Variants in FBXO38 observed in about 807,000 individuals in gnomAD.
The protein encoded by FBXO38 is F-box only protein 38.
Under a neutral mutation model 131.9 loss-of-function variants are expected in FBXO38, and 53 were observed. The ratio of observed to expected loss-of-function variants is 0.40; its 90% CI spans 0.32 to 0.51. The LOEUF is 0.51. FBXO38 is among the 20% of genes least tolerant of loss of function. The probability of loss-of-function intolerance (pLI) is 0.53; values close to 1 mark genes in which losing one functional copy is unlikely to be tolerated. For synonymous variants in FBXO38, 452 were observed against 505.6 expected (o/e 0.89, Z 1.42); for missense variants, 1,076 against 1,475.6 (o/e 0.73, Z 4.44).
rs186173981 is a variant in FBXO38, at chr5:148,421,206, C to A, written c.1619-2792C>A. Among the ~76,000 whole-genome samples, 5 of 152,194 alleles carry A rather than the reference C, an allele frequency of 3.3e-5. No homozygotes were observed. The East Asian group carries it at 9.7e-4, about 29-fold the overall frequency. Reference sequence around the variant, plus strand: ...TGGTCTCCATCTCAACCTCACGATCCGCCCACCCTGGCCTCCCAAAGTACT... The same window carrying A: ...TGGTCTCCATCTCAACCTCACGATCAGCCCACCCTGGCCTCCCAAAGTACT... On this transcript the variant is annotated intron_variant, in intron 12 of 21. Transcript: ENST00000340253.
At position 148,425,478 on chromosome 5, in the gene FBXO38, T is replaced by C. The variant is rs781607602; in HGVS notation, c.1739-44T>C. ...GAAACAGTACTTTGCATTAGATCCT[T>C]TCTTGCGCAAAAAGTAACTGTTAGG... On this transcript the variant is annotated intron_variant, in intron 13 of 21. Coordinates refer to ENST00000340253, the MANE Select transcript of FBXO38 (RefSeq NM_205836.3). The C allele has an allele frequency of 2.4e-5, 37 of 1,511,186 alleles. No homozygotes were observed. The South Asian group carries it at 3.6e-4, about 15-fold the overall frequency. The allele number at this position is 1,511,186 out of a possible 1,614,324, so 93.6% of individuals were successfully genotyped here.
intron 13 of FBXO38, among the ~76,000 whole-genome samples, chr5:148,424,805 T>TA (rs1753625745): frequency 1.3e-5 from 2 of 152,152 alleles, no homozygotes; most frequent in African/African-American, 4.8e-5. Flanking sequence ...CAACAAATAT[T>TA]TATTGAGTGC....
intron 1 of FBXO38, among the ~76,000 whole-genome samples, chr5:148,391,742 G>A (rs1156324489): frequency 6.6e-6 from 1 of 152,086 alleles, no homozygotes; most frequent in Non-Finnish European, 1.5e-5. Flanking sequence ...CATGTATATT[G>A]TACTTCTTAA....
At position 148,425,558 on chromosome 5, in the gene FBXO38, C is replaced by T. The variant is rs1458391761; in HGVS notation, c.1775C>T (p.Ser592Leu). 6.2e-7 allele frequency: 1 copy of T among 1,613,696 alleles called. No individual in the cohort carries two copies. The highest frequency in any genetic ancestry group is 1.7e-5 in the Admixed American group (1 of 59,998). ...SGLQRVVKPT[S>L]ITVHDSESDD... Reference sequence around the variant, plus strand: ...CTTCAGCGTGTAGTAAAACCAACCTCAATTACTGTTCATGATTCAGAGAGT... The same window carrying T: ...CTTCAGCGTGTAGTAAAACCAACCTTAATTACTGTTCATGATTCAGAGAGT... The change falls in exon 14 of 22, where the codon TCA becomes TTA. Residue 592 changes from serine to leucine, a missense_variant. Physicochemically the swap from Ser to Leu is moderately radical, Grantham distance 145 (BLOSUM62 -2). Around this residue, in one of 8 missense-constraint regions of FBXO38, gnomAD observed 212 missense variants for 221.2 expected, o/e 0.96. Coordinates refer to ENST00000340253, the MANE Select transcript of FBXO38 (RefSeq NM_205836.3).
intron 5 of FBXO38, among the ~76,000 whole-genome samples, chr5:148,403,077 G>A (rs1224429108): frequency 1.3e-5 from 2 of 152,020 alleles, no homozygotes; most frequent in Non-Finnish European, 2.9e-5. Flanking sequence ...AAGATTTCTA[G>A]CAACCCTTCA....
At chr5:148,392,524 C>G (rs1758248585) in intron 1 of FBXO38, among the ~76,000 whole-genome samples, 2 of 151,166 alleles carry the variant, frequency 1.3e-5, no homozygotes. Context: ...AAATAAAGTT[C>G]AGAGCTCAGG....
chr5:148,395,107 A>T (rs1391284695), intron 2 of FBXO38, among the ~76,000 whole-genome samples: 1 of 152,170 alleles, frequency 6.6e-6, no homozygotes, highest in Non-Finnish European at 1.5e-5. Context: ...GGTGTATAGG[A>T]CAACAGAGTA....
intron 17 of FBXO38, among the ~76,000 whole-genome samples, chr5:148,435,363 TCTTC>T (rs550089595): frequency 6.6e-6 from 1 of 152,372 alleles, no homozygotes; most frequent in East Asian, 1.9e-4. Context: ...TTTTGAGAAT[TCTTC>T]CTTGGTGTTC....
At chr5:148,441,096 A>C (rs749959557) in intron 20 of FBXO38, 28 bp from the exon 21 acceptor site, 1 of 1,547,554 alleles carries the variant, frequency 6.5e-7, no homozygotes, top group African/African-American at 1.4e-5. Context: ...CTCCCACGCC[A>C]GTTAGCAATG....
intron 12 of FBXO38, among the ~76,000 whole-genome samples, chr5:148,422,786 C>A (rs1753513600): frequency 6.6e-6 from 1 of 152,248 alleles, no homozygotes; most frequent in Non-Finnish European, 1.5e-5. Context: ...GAATGTACTT[C>A]TTTTCATGCC....
At chr5:148,409,092 G>T (rs1380060392) in intron 7 of FBXO38, 32 bp from the exon 8 acceptor site, 1 of 1,265,356 alleles carries the variant, frequency 7.9e-7, no homozygotes, top group Non-Finnish European at 1.2e-6. Flanking sequence ...AAATGCTATG[G>T]TCAAACACTT....
chr5:148,424,847 A>G (rs528564517), intron 13 of FBXO38, among the ~76,000 whole-genome samples: 8 of 151,790 alleles, frequency 5.3e-5, no homozygotes, highest in African/African-American at 1.9e-4. Flanking sequence ...ACAATGTGAC[A>G]GGAAAAAAGC....
rs1754654505 is a variant in FBXO38 at position 148,441,027 on chromosome 5, C to T, written c.3275-97C>T. On this transcript the variant is annotated intron_variant, in intron 20 of 21. Transcript: ENST00000340253. ...GATTTGAGGACACCTGACTCACTCTCTTTATTTTATATTTTACATTCTGCT... is the reference window on the plus strand; with the variant it reads ...GATTTGAGGACACCTGACTCACTCTTTTTATTTTATATTTTACATTCTGCT... The T allele has an allele frequency of 3.6e-6, 3 of 828,852 alleles. No homozygotes were observed. The East Asian group carries it at 7.3e-5, about 20-fold the overall frequency. 51.3% of individuals were successfully genotyped at this position (828,852 alleles called of 1,614,324 possible).
chr5:148,435,981 G>C (rs947689369), intron 17 of FBXO38, among the ~76,000 whole-genome samples: 1 of 152,128 alleles, frequency 6.6e-6, no homozygotes. Flanking sequence ...ACTTATATTG[G>C]TGCAGTTTGT....
At chr5:148,437,730 A>T (rs1754428183) in intron 17 of FBXO38, among the ~76,000 whole-genome samples, 1 of 152,160 alleles carries the variant, frequency 6.6e-6, no homozygotes. Context: ...TTCTGACTTC[A>T]TGTTTTATAT....
chr5:148,397,211 G>A (rs1758526824), intron 2 of FBXO38, among the ~76,000 whole-genome samples: 1 of 152,132 alleles, frequency 6.6e-6, no homozygotes, highest in South Asian at 2.1e-4. Flanking sequence ...TTCCTTAAAA[G>A]AAACCTAATC....
At chr5:148,396,228 G>GA (rs1384147122) in intron 2 of FBXO38, among the ~76,000 whole-genome samples, 1 of 151,862 alleles carries the variant, frequency 6.6e-6, no homozygotes, top group Non-Finnish European at 1.5e-5. Context: ...TCATCTGGCA[G>GA]AAAAAAAGTC....
Position 148,425,592 on chromosome 5 carries a change from A to G in FBXO38, c.1809A>G (p.Glu603=), listed in dbSNP as rs1424701659. 1 of 1,613,606 alleles carries G rather than the reference A, an allele frequency of 6.2e-7. No individual in the cohort carries two copies. Among genetic ancestry groups the G allele is most frequent in the East Asian group, 2.2e-5 (1 of 44,872 alleles). ...ITVHDSESDD[E]EDSLELQEVW... is the part of the protein sequence containing the mutation. Reference sequence around the variant, plus strand: ...TTCATGATTCAGAGAGTGATGATGAAGAAGATAGTCTAGAACTCCAAGAAG... The same window carrying G: ...TTCATGATTCAGAGAGTGATGATGAGGAAGATAGTCTAGAACTCCAAGAAG... The change falls in exon 14 of 22, where the codon GAA becomes GAG. Residue 603 remains glutamate (E), a synonymous_variant. Coordinates refer to ENST00000340253, the MANE Select transcript of FBXO38 (RefSeq NM_205836.3).
chr5:148,419,910 A>G (rs972511030), intron 12 of FBXO38, among the ~76,000 whole-genome samples: 3 of 152,124 alleles, frequency 2.0e-5, no homozygotes, highest in African/African-American at 4.8e-5. Flanking sequence ...TTTAATTTGT[A>G]TAAATTAACT....
Sources: allele counts gnomAD v4.1 joint callset (sites outside exome capture counted in the v4.1 genomes callset), GRCh38; gene constraint gnomAD v4.1.1; regional missense constraint gnomAD v4.1.1; transcripts MANE v1.5; gene names NCBI Gene and HGNC (gene_info 2026-07-23, HGNC 2026-07-21).